The following DENND3 variants were observed in gnomAD, a reference collection of about 807,000 sequenced individuals.
DENND3 encodes DENN domain containing 3.
DENND3 carries 88 observed loss-of-function variants against 135.1 expected under a neutral mutation model. The ratio of observed to expected loss-of-function variants is 0.65; its 90% CI spans 0.55 to 0.78. The LOEUF is 0.78. Ranked by LOEUF, DENND3 falls within the 30% of genes least tolerant of loss-of-function variation. The pLI, the probability that DENND3 is intolerant of heterozygous loss-of-function variation, is 0.00. For synonymous variants in DENND3, 693 were observed against 712.3 expected, an observed-to-expected ratio of 0.97 and a Z score of 0.43; for missense variants, 1,392 against 1,688.4, an observed-to-expected ratio of 0.82 and a Z score of 3.08.
chr8:141,172,785 C>G (rs1157380211), intron 13 of DENND3, among the ~76,000 whole-genome samples: 1 of 152,176 alleles, frequency 6.6e-6, no homozygotes, highest in Non-Finnish European at 1.5e-5. Context: ...TTGGCTCACG[C>G]CTGTGATCCT....
At chr8:141,135,998 G>A (rs1816745131) in intron 1 of DENND3, among the ~76,000 whole-genome samples, 1 of 152,224 alleles carries the variant, frequency 6.6e-6, no homozygotes, top group Admixed American at 6.5e-5. Flanking sequence ...TGGTAAATGT[G>A]TATGTGTGGG....
chr8:141,153,413 G>A (rs779623302), intron 7 of DENND3, among the ~76,000 whole-genome samples: 1 of 152,204 alleles, frequency 6.6e-6, no homozygotes, highest in Non-Finnish European at 1.5e-5. Flanking sequence ...AAATTTCTAA[G>A]TGTGCACAAA....
intron 1 of DENND3, among the ~76,000 whole-genome samples, chr8:141,134,292 T>C (rs1450773310): frequency 6.6e-6 from 1 of 151,916 alleles, no homozygotes; most frequent in Non-Finnish European, 1.5e-5. Context: ...TTTTATTTTT[T>C]ATTTTTATTT....
intron 18 of DENND3, among the ~76,000 whole-genome samples, chr8:141,187,362 A>G (rs906967513): frequency 6.6e-6 from 1 of 151,598 alleles, no homozygotes; most frequent in African/African-American, 2.4e-5. Flanking sequence ...AGCTGGGGCT[A>G]TATAGGTGCG....
At chr8:141,190,444 G>C (rs757941698) in intron 20 of DENND3, 27 bp downstream of exon 20, 1 of 1,588,868 alleles carries the variant, frequency 6.3e-7, no homozygotes, top group Non-Finnish European at 8.6e-7. Flanking sequence ...CCATCAGAGC[G>C]GGCACCCTAC....
chr8:141,185,779 C>T (rs997819007), intron 18 of DENND3, among the ~76,000 whole-genome samples: 11 of 150,940 alleles, frequency 7.3e-5, no homozygotes, highest in African/African-American at 2.7e-4. Context: ...GAGCCAAGAT[C>T]GCGCCACTGC....
At position 141,192,589 on chromosome 8, in the gene DENND3, C is replaced by A. The variant is rs1304362333; in HGVS notation, c.3562C>A (p.Leu1188Met). ...SEVYIWSLKD[L>M]AQPPQRVPLE... ...GGTTTACATCTGGAGCCTGAAGGACCTGGCCCAGCCCCCGCAGAGGGTGCC... is the reference window on the plus strand; with the variant it reads ...GGTTTACATCTGGAGCCTGAAGGACATGGCCCAGCCCCCGCAGAGGGTGCC... Residue 1188 changes from leucine to methionine, a missense_variant, in exon 22 of 23, where the codon CTG becomes ATG. Coordinates refer to ENST00000519811, the MANE Select transcript of DENND3 (RefSeq NM_001352890.3). The A allele has an allele frequency of 1.1e-5, 18 of 1,582,378 alleles. No individual in the cohort carries two copies. The highest frequency in any genetic ancestry group is 1.7e-5 in the Admixed American group (1 of 57,414).
intron 5 of DENND3, among the ~76,000 whole-genome samples, chr8:141,147,056 C>T (rs1269547231): frequency 2.6e-5 from 4 of 152,196 alleles, no homozygotes; most frequent in African/African-American, 9.7e-5. Flanking sequence ...ACTCTCGGCT[C>T]CTTCATCTCG....
chr8:141,150,153 A>C (rs1403555139), intron 5 of DENND3: 2 of 355,904 alleles, frequency 5.6e-6, no homozygotes, highest in Non-Finnish European at 1.0e-5. Flanking sequence ...GGCACCCAGC[A>C]TTTCCTGAGG....
chr8:141,172,472 G>C (rs1477639548), intron 13 of DENND3, among the ~76,000 whole-genome samples: 1 of 152,160 alleles, frequency 6.6e-6, no homozygotes, highest in Non-Finnish European at 1.5e-5. Flanking sequence ...TTATCTGTGA[G>C]AAGAAGCTGT....
chr8:141,144,237 C>A lies in DENND3; in HGVS notation c.713C>A (p.Pro238Gln). 1 of 1,613,410 alleles carries A rather than the reference C, an allele frequency of 6.2e-7. No homozygotes were observed. ...GCGAAGCTGTCTTTAATACCCAGCC[C>A]GCCACCTGGACCGCTCCATTTGGTA... ...FAAKLSLIPS[P>Q]PPGPLHLVFN... The change falls in exon 5 of 23, where the codon CCG (proline) becomes CAG (glutamine). Residue 238 changes from proline (P) to glutamine (Q), a missense_variant. Pro to Gln is a moderately conservative substitution (Grantham distance 76, BLOSUM62 -1). Coordinates refer to ENST00000519811, the MANE Select transcript of DENND3 (RefSeq NM_001352890.3). The surrounding 1 kb of genome is among the most constrained non-coding windows in gnomAD (Gnocchi z 4.4).
rs1489743507 is a variant in DENND3 at position 141,182,159 on chromosome 8, G to A, written c.2944+1305G>A. 6.6e-6 allele frequency among the ~76,000 whole-genome samples: 1 copy of A among 152,214 alleles called. No homozygotes were observed. Among genetic ancestry groups the A allele is most frequent in the Non-Finnish European group, 1.5e-5 (1 of 68,036 alleles). ...CTGCGTCTGCAGGTGTCAGCCGTAG[G>A]TGTCAGGGATGCAGATGTAGGTGTC... is the stretch of plus-strand genomic sequence containing the variant. On this transcript the variant is annotated intron_variant, in intron 17 of 22. Coordinates refer to ENST00000519811, the MANE Select transcript of DENND3 (RefSeq NM_001352890.3). This position sits in a 1 kb window ranked among gnomAD's most constrained non-coding sequence, Gnocchi z 5.9.
Position 141,139,697 on chromosome 8 carries a change from A to C in DENND3, c.502-1506A>C, listed in dbSNP as rs1817219779. ...GCGCATGTTGTTTTCGTTATCATTA[A>C]ATATAATACATATTAAAAAAAGGAG... is the stretch of plus-strand genomic sequence containing the variant. On this transcript the variant is annotated intron_variant, in intron 3 of 22. Coordinates refer to ENST00000519811, the MANE Select transcript of DENND3 (RefSeq NM_001352890.3). The surrounding 1 kb of genome is among the most constrained non-coding windows in gnomAD (Gnocchi z 4.2). Among the ~76,000 whole-genome samples, 3 of 152,178 alleles carry C rather than the reference A, an allele frequency of 2.0e-5. No homozygotes were observed. The highest frequency in any genetic ancestry group is 2.0e-4 in the Admixed American group (3 of 15,268).
chr8:141,158,225 A>G (rs749281232), intron 8 of DENND3: 35 of 1,289,634 alleles, frequency 2.7e-5, no homozygotes, highest in Admixed American at 6.9e-5. Flanking sequence ...TCTGTTGGCA[A>G]CTGTCCTCTG....
rs1273013214 is a variant in DENND3 at position 141,182,691 on chromosome 8, G to A, written c.2944+1837G>A. Reference sequence around the variant, plus strand: ...AGGGGTGGCCGAGAAGCTGGTAGCCGAGCAGGGCTTTTGCAAGCCTTGTGA... The same window carrying A: ...AGGGGTGGCCGAGAAGCTGGTAGCCAAGCAGGGCTTTTGCAAGCCTTGTGA... On this transcript the variant is annotated intron_variant, in intron 17 of 22. Coordinates refer to ENST00000519811, the MANE Select transcript of DENND3 (RefSeq NM_001352890.3). This position sits in a 1 kb window ranked among gnomAD's most constrained non-coding sequence, Gnocchi z 5.9. Among the ~76,000 whole-genome samples, 3 of 152,208 alleles carry A rather than the reference G, an allele frequency of 2.0e-5. No homozygotes were observed. The highest frequency in any genetic ancestry group is 4.4e-5 in the Non-Finnish European group (3 of 68,032).
intron 6 of DENND3, 26 bp downstream of exon 6, chr8:141,150,979 C>T (rs1020142282): frequency 1.3e-5 from 19 of 1,503,480 alleles, no homozygotes; most frequent in Non-Finnish European, 1.6e-5. Flanking sequence ...CCGGCGAGCG[C>T]GTCTTGTGCT....
At chr8:141,171,097 C>T (rs139017309) in intron 13 of DENND3, among the ~76,000 whole-genome samples, 1 of 152,224 alleles carries the variant, frequency 6.6e-6, no homozygotes, top group East Asian at 1.9e-4. Flanking sequence ...GCCTTGCTTA[C>T]GTTGCCGATT....
rs776143052 is a variant in DENND3, at chr8:141,136,583, T to C, written c.177T>C (p.Pro59=). Residue 59 remains proline, a synonymous_variant, in exon 2 of 23, where the codon CCT becomes CCC. Coordinates refer to ENST00000519811, the MANE Select transcript of DENND3 (RefSeq NM_001352890.3). The part of the protein sequence containing the change: ...DPEVLSIFVP[P]FISKEDSQMA... ...AGGTCCTGTCCATTTTCGTGCCTCC[T>C]TTTATCAGTAAAGAGGACAGTCAAA... The C allele has an allele frequency of 3.0e-5, 48 of 1,583,130 alleles. No individual in the cohort carries two copies. Among genetic ancestry groups the C allele is most frequent in the Non-Finnish European group, 3.6e-5 (42 of 1,164,678 alleles).
intron 10 of DENND3, among the ~76,000 whole-genome samples, chr8:141,164,914 C>G (rs546180610): frequency 6.6e-6 from 1 of 152,228 alleles, no homozygotes; most frequent in South Asian, 2.1e-4. Flanking sequence ...TGCCTTATGG[C>G]CAGAAGCTTG....
Sources: allele counts gnomAD v4.1 joint callset (sites outside exome capture counted in the v4.1 genomes callset), GRCh38; gene constraint gnomAD v4.1.1; non-coding constraint Gnocchi (gnomAD v3.1); transcripts MANE v1.5; gene names NCBI Gene and HGNC (gene_info 2026-07-23, HGNC 2026-07-21).